The following RECK variants were observed in gnomAD, a reference collection of about 807,000 sequenced individuals.
RECK encodes the protein reversion inducing cysteine rich protein with kazal motifs.
A neutral mutation model predicts 115.1 loss-of-function variants in RECK; 69 were observed. That is an observed-to-expected ratio of 0.60 (90% CI 0.49 to 0.73). RECK has a LOEUF of 0.73. RECK is among the 30% of genes least tolerant of loss of function. The pLI is 0.00. For synonymous variants in RECK, 414 were observed against 419.7 expected (o/e 0.99, Z 0.17); for missense variants, 1,047 against 1,203.7 (o/e 0.87, Z 1.93).
At chr9:36,053,307 C>T (rs937597074) in intron 2 of RECK, among the ~76,000 whole-genome samples, 6 of 152,128 alleles carry the variant, frequency 3.9e-5, no homozygotes, top group South Asian at 2.1e-4. Flanking sequence ...CCTTAGCACT[C>T]GAGAAACAAT....
chr9:36,102,369 T>C, intron 12 of RECK, 139 bp downstream of exon 12: 3 of 754,264 alleles, frequency 4.0e-6, no homozygotes, highest in Non-Finnish European at 6.2e-6. Context: ...CACAGACTCT[T>C]GTTTGCTTGG....
intron 1 of RECK, among the ~76,000 whole-genome samples, chr9:36,043,800 A>G (rs1820975456): frequency 6.6e-6 from 1 of 151,506 alleles, no homozygotes; most frequent in Non-Finnish European, 1.5e-5. Context: ...TTACGTTTTC[A>G]TTTGTTTTGT....
chr9:36,110,906 A>G (rs1051588611), intron 15 of RECK, among the ~76,000 whole-genome samples: 3 of 152,090 alleles, frequency 2.0e-5, no homozygotes, highest in African/African-American at 7.2e-5. Flanking sequence ...TAAGAAGTGA[A>G]TGGCACACTG....
chr9:36,119,145 C>T (rs545606738), intron 18 of RECK, among the ~76,000 whole-genome samples, 178 bp downstream of exon 18: 69 of 152,304 alleles, frequency 4.5e-4, no homozygotes, highest in African/African-American at 1.5e-3. Flanking sequence ...GGCTTGCCTT[C>T]GATATCATCT....
chr9:36,084,753 G>T (rs1027894466), intron 8 of RECK, among the ~76,000 whole-genome samples: 2 of 151,822 alleles, frequency 1.3e-5, no homozygotes, highest in Admixed American at 1.3e-4. Flanking sequence ...AGGAAGGAAG[G>T]AAGGTAGGCC....
intron 16 of RECK, among the ~76,000 whole-genome samples, chr9:36,116,125 CT>C (rs11313050): frequency 0.033 from 4,113 of 124,410 alleles, 187 homozygotes; most frequent in African/African-American, 0.11. Context: ...AGAGTGAGGC[CT>C]TTTTTTTTTT....
chr9:36,102,357 A>G (rs1823595982), intron 12 of RECK, 127 bp downstream of exon 12: 1 of 799,760 alleles, frequency 1.3e-6, no homozygotes, highest in Non-Finnish European at 1.9e-6. Flanking sequence ...TACCATCTCA[A>G]TCACAGACTC....
intron 9 of RECK, among the ~76,000 whole-genome samples, chr9:36,089,870 C>G (rs1451654681): frequency 6.6e-6 from 1 of 151,990 alleles, no homozygotes; most frequent in Non-Finnish European, 1.5e-5. Context: ...TGCAGTGACT[C>G]AAGCCTGTAA....
chr9:36,082,461 C>A (rs1439392020), intron 7 of RECK, among the ~76,000 whole-genome samples: 1 of 151,904 alleles, frequency 6.6e-6, no homozygotes, highest in African/African-American at 2.4e-5. Context: ...CACCCGACCC[C>A]CCTGCTTTCT....
chr9:36,066,645 T>G (rs934103875), intron 6 of RECK: 1 of 373,254 alleles, frequency 2.7e-6, no homozygotes. Flanking sequence ...AAGTAAAAGA[T>G]CTTTATTTTC....
At chr9:36,090,051 G>A (rs575059510) in intron 9 of RECK, among the ~76,000 whole-genome samples, 1 of 152,070 alleles carries the variant, frequency 6.6e-6, no homozygotes, top group East Asian at 1.9e-4. Context: ...AGCTGCTTGG[G>A]AGGCTGAGGC....
intron 15 of RECK, 112 bp from the exon 16 acceptor site, chr9:36,112,193 C>G: frequency 1.5e-6 from 1 of 660,782 alleles, no homozygotes; most frequent in Non-Finnish European, 2.3e-6. Flanking sequence ...ATTTACAATT[C>G]TATTTTAACG....
chr9:36,112,444 A>G lies in RECK; in HGVS notation c.2028A>G (p.Pro676=). Residue 676 remains proline, a synonymous_variant, in exon 16 of 21, where the codon CCA becomes CCG. Transcript: ENST00000377966. ...TTGGATCATGCATGTCAAAGGATCC[A>G]TGTAATCCTAATCCCTGCCAAAAAA... ...FEFGSCMSKD[P]CNPNPCQKNQ... 4 of 1,614,136 alleles carry G rather than the reference A, an allele frequency of 2.5e-6. No homozygotes were observed. Among genetic ancestry groups the G allele is most frequent in the Non-Finnish European group, 1.7e-6 (2 of 1,180,050 alleles).
chr9:36,100,489 G>C lies in RECK; in HGVS notation c.1244G>C (p.Cys415Ser). ...CCAGAGATGTGGAAAGCAATAGCTT[G>C]TTCACTGCAGATTAAACCTTGTCAT... ...CQPEMWKAIACSLQIKPCHSK... is the reference protein window; with the variant it reads ...CQPEMWKAIASSLQIKPCHSK... The change falls in exon 11 of 21, where the codon TGT (cysteine) becomes TCT (serine). Residue 415 changes from cysteine (C) to serine (S), a missense_variant. By Grantham distance (112) the Cys-to-Ser change is moderately radical. Transcript: ENST00000377966. The C allele has an allele frequency of 1.2e-6, 2 of 1,614,102 alleles. No individual in the cohort carries two copies. The highest frequency in any genetic ancestry group is 1.7e-6 in the Non-Finnish European group (2 of 1,179,978).
At chr9:36,117,259 A>G in intron 17 of RECK, 82 bp downstream of exon 17, 1 of 1,143,034 alleles carries the variant, frequency 8.7e-7, no homozygotes, top group South Asian at 1.6e-5. Context: ...CAACAGTAAG[A>G]CCAGCCGAGG....
chr9:36,048,126 A>AATATATATATATATATATACAT (rs1821140886), intron 1 of RECK, among the ~76,000 whole-genome samples: 2 of 115,406 alleles, frequency 1.7e-5, no homozygotes, highest in African/African-American at 8.7e-5. Flanking sequence ...ACACAGGTTG[A>AATATATATATATATATATACAT]ATATATATAT....
rs11273343 is a variant in RECK at position 36,104,292 on chromosome 9, GTATATATATATATATATA to G, written c.1436-833_1436-816del. ...ATACATAGCATGTGTGTGTGTGTGT[GTATATATATATATATATA>G]TATATATATATATATATTTTTTTTT... On this transcript the variant is annotated intron_variant, in intron 12 of 20. Transcript: ENST00000377966. 9.1e-3 allele frequency among the ~76,000 whole-genome samples: 398 copies of G among 43,894 alleles called. 15 individuals are homozygous for G. The highest frequency in any genetic ancestry group is 0.032 in the African/African-American group (357 of 11,172). The allele number at this position is 43,894 out of a possible 152,430, so 28.8% of individuals were successfully genotyped here. A position where few individuals can be genotyped will look rare whatever the true frequency, so the allele number is the denominator to read the frequency against.
chr9:36,118,930 G>A lies in RECK; in HGVS notation c.2427G>A (p.Ser809=), dbSNP rs750695711. 14 of 1,612,868 alleles carry A rather than the reference G, an allele frequency of 8.7e-6. No individual in the cohort carries two copies. The highest frequency in any genetic ancestry group is 4.5e-5 in the East Asian group (2 of 44,902). The change falls in exon 18 of 21, where the codon TCG becomes TCA. Residue 809 remains serine, a synonymous_variant. Coordinates refer to ENST00000377966, the MANE Select transcript of RECK (RefSeq NM_021111.3). The part of the protein sequence containing the change: ...VAECASVKCP[S]LLAAGCKPII... ...AGTGTGCTTCTGTCAAGTGTCCTTCGCTCTTGGCAGCTGGATGCAAACCCA... is the reference window on the plus strand; with the variant it reads ...AGTGTGCTTCTGTCAAGTGTCCTTCACTCTTGGCAGCTGGATGCAAACCCA...
intron 6 of RECK, among the ~76,000 whole-genome samples, chr9:36,075,987 A>C (rs1822432555): frequency 6.6e-6 from 1 of 152,186 alleles, no homozygotes; most frequent in Admixed American, 6.6e-5. Flanking sequence ...TGGAGTAGTC[A>C]GTAGTAAAAG....
Sources: gnomAD v4.1 joint callset for allele counts (sites outside exome capture counted in the v4.1 genomes callset) on GRCh38, gnomAD v4.1.1 for gene constraint, MANE v1.5 for transcripts, NCBI Gene and HGNC (gene_info 2026-07-23, HGNC 2026-07-21) for gene names.